Variants in ABHD16A observed in about 807,000 individuals in gnomAD.
ABHD16A encodes the protein phosphatidylserine lipase ABHD16A.
ABHD16A carries 47 observed loss-of-function variants against 89.8 expected under a neutral mutation model. The ratio of observed to expected loss-of-function variants is 0.52; its 90% CI spans 0.41 to 0.67. ABHD16A has a LOEUF of 0.67. Ranked by LOEUF, ABHD16A falls within the 30% of genes least tolerant of loss-of-function variation. ABHD16A has a pLI of 0.00. For missense variants in ABHD16A, 580 were observed against 734.6 expected, an observed-to-expected ratio of 0.79 and a Z score of 2.43; for synonymous variants, 251 against 280.4, an observed-to-expected ratio of 0.90 and a Z score of 1.05.
At chr6:31,697,223 T>C (rs1256376597) in intron 4 of ABHD16A, among the ~76,000 whole-genome samples, 190 bp from the exon 5 acceptor site, 2 of 152,224 alleles carry the variant, frequency 1.3e-5, no homozygotes, top group Non-Finnish European at 2.9e-5. Context: ...AGCAACTGGC[T>C]ACAGGACGCT....
rs1012513312 is a variant in ABHD16A, at chr6:31,688,302, G to GT, written c.1253dup (p.Tyr418Ter). 1.2e-6 allele frequency: 2 copies of GT among 1,613,910 alleles called. No homozygotes were observed. The highest frequency in any genetic ancestry group is 2.7e-5 in the African/African-American group (2 of 74,918). Residue 418 changes from tyrosine (Y) to a stop codon, truncating the protein, a stop_gained and frameshift_variant, in exon 15 of 20, where the codon TAC (tyrosine) becomes TAAC (stop). Transcript: ENST00000395952. LOFTEE classifies it high-confidence loss of function. This position sits in a 1 kb window ranked among gnomAD's most constrained non-coding sequence, Gnocchi z 4.9. ...NLNNAEQLCR[Y>*]QGPVLLIRRT... is the part of the protein sequence containing the mutation. ...TCCGGATCAGCAGTACAGGACCCTG[G>GT]TATCTTCAGAGAACAGAGCAGTGGG... is the stretch of plus-strand genomic sequence containing the variant.
chr6:31,693,008 C>G lies in ABHD16A; in HGVS notation c.626+19G>C. The G allele has an allele frequency of 6.8e-6, 11 of 1,614,248 alleles. No individual in the cohort carries two copies. The highest frequency in any genetic ancestry group is 8.5e-6 in the Non-Finnish European group (10 of 1,180,032). On this transcript the variant is annotated intron_variant, in intron 7 of 19. Coordinates refer to ENST00000395952, the MANE Select transcript of ABHD16A (RefSeq NM_021160.3). The surrounding 1 kb of genome is among the most constrained non-coding windows in gnomAD (Gnocchi z 5.0). ...GGCCCCTCCACCCCAGTGGGCCTCT[C>G]CTCGCTGCTGTTTCCCACCTGGTGA...
Position 31,689,443 on chromosome 6 carries a change from T to C in ABHD16A, c.1081+138A>G, listed in dbSNP as rs898672277. 2.3e-6 allele frequency: 3 copies of C among 1,291,530 alleles called. No homozygotes were observed. The African/African-American group carries it at 4.5e-5, about 20-fold the overall frequency. 80.0% of individuals were successfully genotyped at this position (1,291,530 alleles called of 1,614,324 possible). On this transcript the variant is annotated intron_variant, in intron 12 of 19. Coordinates refer to ENST00000395952, the MANE Select transcript of ABHD16A (RefSeq NM_021160.3). ...AAGTGTATGCAAATAGGATAGCTTC[T>C]TCCAGGCCCACTCAGAGATTCTACT...
At chr6:31,699,408 C>CAAAA (rs9281558) in intron 4 of ABHD16A, among the ~76,000 whole-genome samples, 6 of 54,258 alleles carry the variant, frequency 1.1e-4, no homozygotes, top group South Asian at 1.3e-3. Flanking sequence ...GACTCCGTCT[C>CAAAA]AAAAAAAAAA....
Position 31,691,597 on chromosome 6 carries a change from C to T in ABHD16A, c.825G>A (p.Glu275=). The T allele has an allele frequency of 6.2e-7, 1 of 1,613,018 alleles. No homozygotes were observed. The highest frequency in any genetic ancestry group is 8.5e-7 in the Non-Finnish European group (1 of 1,180,018). Residue 275 remains glutamate, a synonymous_variant, in exon 9 of 20, where the codon GAG becomes GAA. Transcript: ENST00000395952. ...CTCTTACCAGCTTCTGTCCCTGGGG[C>T]TCAGCTGTCCCCCGCCGGTCCACAA... ...TMFVDRRGTA[E]PQGQKLVICC...
rs775756995 is a variant in ABHD16A at position 31,688,739 on chromosome 6, C to T, written c.1234G>A (p.Ala412Thr). The T allele has an allele frequency of 1.9e-5, 31 of 1,612,870 alleles. No individual in the cohort carries two copies. The highest frequency in any genetic ancestry group is 1.2e-4 in the Admixed American group (7 of 59,988). Residue 412 changes from alanine (A) to threonine (T), a missense_variant, in exon 14 of 20, where the codon GCG becomes ACG. Around this residue, in one of 2 missense-constraint regions of ABHD16A, gnomAD observed 415 missense variants for 568.8 expected, o/e 0.73. Coordinates refer to ENST00000395952, the MANE Select transcript of ABHD16A (RefSeq NM_021160.3). This position sits in a 1 kb window ranked among gnomAD's most constrained non-coding sequence, Gnocchi z 4.9. The stretch of plus-strand genomic sequence containing the variant: ...GGCCCTCACCTGCACAGCTGCTCCG[C>T]GTTGTTTAGATTGAGATGCTGCCTC... ...TVRQHLNLNN[A>T]EQLCRYQGPV...
intron 11 of ABHD16A, 62 bp from the exon 12 acceptor site, chr6:31,689,766 C>G (rs1186755682): frequency 1.3e-6 from 2 of 1,557,412 alleles, no homozygotes; most frequent in Admixed American, 1.9e-5. Flanking sequence ...ACCTGTCCCT[C>G]CCAACGTGGA....
At chr6:31,695,180 C>T (rs805277) in intron 5 of ABHD16A, among the ~76,000 whole-genome samples, 57,472 of 151,778 alleles carry the variant, frequency 0.38, 11,856 homozygotes, top group African/African-American at 0.55. Context: ...GAAAAGAGCT[C>T]TATGGGGCCC....
Position 31,700,056 on chromosome 6 carries a change from G to A in ABHD16A, c.343+886C>T, listed in dbSNP as rs1038654933. Among the ~76,000 whole-genome samples, 3 of 151,802 alleles carry A rather than the reference G, an allele frequency of 2.0e-5. 1 individual carries two copies. Among genetic ancestry groups the A allele is most frequent in the East Asian group, 3.9e-4 (2 of 5,148 alleles). Reference sequence around the variant, plus strand: ...AGCCACTGCACCTGGCTTCATCTGCGTTGTTGAGCGTAGCTACAGTTTGTT... The same window carrying A: ...AGCCACTGCACCTGGCTTCATCTGCATTGTTGAGCGTAGCTACAGTTTGTT... On this transcript the variant is annotated intron_variant, in intron 4 of 19. Coordinates refer to ENST00000395952, the MANE Select transcript of ABHD16A (RefSeq NM_021160.3).
intron 9 of ABHD16A, 94 bp downstream of exon 9, chr6:31,691,485 G>C (rs112855257): frequency 9.2e-7 from 1 of 1,084,234 alleles, no homozygotes; most frequent in African/African-American, 1.5e-5. Flanking sequence ...CCCAGTAGTG[G>C]TTCCTTCAGG....
Position 31,687,308 on chromosome 6 carries a change from G to A in ABHD16A, c.1594-13C>T. On this transcript the variant is annotated splice_polypyrimidine_tract_variant and intron_variant, in intron 19 of 19. Coordinates refer to ENST00000395952, the MANE Select transcript of ABHD16A (RefSeq NM_021160.3). This position sits in a 1 kb window ranked among gnomAD's most constrained non-coding sequence, Gnocchi z 6.3. ...GATGCTTCCGAGCCTGAGGAAAGGA[G>A]GTGGGACAGGTGGGGTACAGAGCAC... The A allele has an allele frequency of 6.2e-7, 1 of 1,612,464 alleles. No homozygotes were observed.
chr6:31,702,965 GA>G, intron 1 of ABHD16A, 184 bp downstream of exon 1: 2 of 1,321,472 alleles, frequency 1.5e-6, no homozygotes, highest in Non-Finnish European at 1.9e-6. Context: ...GAGCGAAAAA[GA>G]AAGGAGGCGG....
Position 31,693,475 on chromosome 6 carries a change from G to A in ABHD16A, c.430-43C>T. On this transcript the variant is annotated intron_variant, in intron 5 of 19. Transcript: ENST00000395952. This position sits in a 1 kb window ranked among gnomAD's most constrained non-coding sequence, Gnocchi z 5.0. Reference sequence around the variant, plus strand: ...GGCAAAGGGGTACTGAGAACTCAGGGGAGGCTCTCCTACCCACCCTCAACA... The same window carrying A: ...GGCAAAGGGGTACTGAGAACTCAGGAGAGGCTCTCCTACCCACCCTCAACA... The A allele has an allele frequency of 6.3e-7, 1 of 1,596,316 alleles. No individual in the cohort carries two copies. Among genetic ancestry groups the A allele is most frequent in the South Asian group, 1.1e-5 (1 of 90,350 alleles).
At chr6:31,692,462 A>G (rs1477840875) in intron 7 of ABHD16A, among the ~76,000 whole-genome samples, 1 of 152,200 alleles carries the variant, frequency 6.6e-6, no homozygotes, top group Non-Finnish European at 1.5e-5. Context: ...TATAAGATAT[A>G]GGTGGTTATT....
intron 12 of ABHD16A, 128 bp downstream of exon 12, chr6:31,689,453 A>G: frequency 7.6e-7 from 1 of 1,311,256 alleles, no homozygotes; most frequent in Middle Eastern, 2.6e-4. Context: ...TTCCAGGCCC[A>G]CTCAGAGATT....
Position 31,689,843 on chromosome 6 carries a change from T to TC in ABHD16A, c.958-140dup, listed in dbSNP as rs1385194146. On this transcript the variant is annotated intron_variant, in intron 11 of 19. Transcript: ENST00000395952. ...AGGAAGGGATGGTAGGAGAGGTTGTTCTCTCCAGAAGACGGATGTGTACAA... is the reference window on the plus strand; with the variant it reads ...AGGAAGGGATGGTAGGAGAGGTTGTTCCTCTCCAGAAGACGGATGTGTACAA... 3.0e-6 allele frequency: 4 copies of TC among 1,316,876 alleles called. No homozygotes were observed. The African/African-American group carries it at 6.0e-5, about 20-fold the overall frequency. 81.6% of individuals were successfully genotyped at this position (1,316,876 alleles called of 1,614,324 possible). A position where few individuals can be genotyped will look rare whatever the true frequency, so the allele number is the denominator to read the frequency against.
At chr6:31,700,735 A>C (rs972689465) in intron 4 of ABHD16A, among the ~76,000 whole-genome samples, 4 of 145,710 alleles carry the variant, frequency 2.7e-5, no homozygotes, top group Non-Finnish European at 4.5e-5. Context: ...CTATCTCTTA[A>C]AAAAAAAAAA....
intron 1 of ABHD16A, chr6:31,702,857 A>G: frequency 2.2e-6 from 3 of 1,369,620 alleles, no homozygotes; most frequent in Non-Finnish European, 2.8e-6. Context: ...CCGGGACTCA[A>G]GACTCAACTG....
At chr6:31,689,856 C>T (rs1166968835) in intron 11 of ABHD16A, 152 bp from the exon 12 acceptor site, 44 of 1,267,478 alleles carry the variant, frequency 3.5e-5, no homozygotes, top group South Asian at 1.6e-4. Flanking sequence ...CTCCAGAAGA[C>T]GGATGTGTAC....
Sources: allele counts gnomAD v4.1 joint callset (sites outside exome capture counted in the v4.1 genomes callset), GRCh38; gene constraint gnomAD v4.1.1; regional missense constraint gnomAD v4.1.1; non-coding constraint Gnocchi (gnomAD v3.1); transcripts MANE v1.5; gene names NCBI Gene and HGNC (gene_info 2026-07-23, HGNC 2026-07-21).